Variants in EI24 observed in about 807,000 individuals in gnomAD.
EI24 encodes the protein etoposide-induced protein 2.4 homolog.
EI24 carries 21 observed loss-of-function variants against 48.6 expected under a neutral mutation model. The observed-to-expected ratio is 0.43, with a 90% CI of 0.31 to 0.62. The LOEUF (loss-of-function observed/expected upper bound fraction) is 0.62. EI24 is among the 20% of genes least tolerant of loss of function. EI24 has a pLI of 0.10. For synonymous variants in EI24, 114 were observed against 145.5 expected (o/e 0.78, Z 1.56); for missense variants, 280 against 410.5 (o/e 0.68, Z 2.75).
intron 1 of EI24, among the ~76,000 whole-genome samples, chr11:125,570,933 T>C (rs1268069324): frequency 6.6e-6 from 1 of 152,108 alleles, no homozygotes; most frequent in African/African-American, 2.4e-5. Context: ...ACTGGAACTC[T>C]GAGGTGTTTG....
At chr11:125,575,945 C>A in intron 3 of EI24, 1 of 385,818 alleles carries the variant, frequency 2.6e-6, no homozygotes, top group Non-Finnish European at 5.0e-6. Flanking sequence ...CGCACCACCA[C>A]GCCTGGCTAA....
At chr11:125,581,367 A>C (rs780979144) in intron 9 of EI24, 45 bp downstream of exon 9, 4 of 1,335,492 alleles carry the variant, frequency 3.0e-6, no homozygotes, top group Non-Finnish European at 4.2e-6. Context: ...AAAAATAAAA[A>C]TTCATGAAGT....
At chr11:125,582,469 T>C in intron 10 of EI24, 49 bp downstream of exon 10, 1 of 1,377,804 alleles carries the variant, frequency 7.3e-7, no homozygotes, top group Non-Finnish European at 9.9e-7. Context: ...GGGTTGGGGC[T>C]GTAACACCAG....
Position 125,584,259 on chromosome 11 carries a change from A to AAAAAT in EI24, c.*579_*580insATAAA, listed in dbSNP as rs1555055547. The AAAAAT allele has an allele frequency of 1.6e-4, 22 of 135,696 alleles. No individual in the cohort carries two copies. Among genetic ancestry groups the AAAAAT allele is most frequent in the African/African-American group, 1.9e-4 (7 of 37,114 alleles). The allele number at this position is 135,696 out of a possible 1,614,324, so 8.4% of individuals were successfully genotyped here. A position where few individuals can be genotyped will look rare whatever the true frequency, so the allele number is the denominator to read the frequency against. On this transcript the variant is annotated 3_prime_UTR_variant, in exon 11 of 11. Coordinates refer to ENST00000278903, the MANE Select transcript of EI24 (RefSeq NM_004879.5). ...AAAAAAAAAAAAAAAAAAAAAAAAA[A>AAAAAT]AAAGCCTGAAGAGATGAGATAGGAG...
chr11:125,577,348 T>C (rs1205947386), intron 4 of EI24, among the ~76,000 whole-genome samples, 156 bp from the exon 5 acceptor site: 1 of 152,114 alleles, frequency 6.6e-6, no homozygotes, highest in Non-Finnish European at 1.5e-5. Context: ...TGCCTTGGCC[T>C]CTCAAAGTGA....
chr11:125,583,936 T>C lies in EI24; in HGVS notation c.*253T>C, dbSNP rs965522614. 4.8e-5 allele frequency: 24 copies of C among 503,164 alleles called. No homozygotes were observed. Among genetic ancestry groups the C allele is most frequent in the African/African-American group, 9.7e-5 (5 of 51,460 alleles). The allele number at this position is 503,164 out of a possible 1,614,324, so 31.2% of individuals were successfully genotyped here. On this transcript the variant is annotated 3_prime_UTR_variant, in exon 11 of 11. Coordinates refer to ENST00000278903, the MANE Select transcript of EI24 (RefSeq NM_004879.5). ...CACAGGTTTTTCTGCAGCTATTTTCTAGCATTTGCCAGTCCCTGTGCCTGG... is the reference window on the plus strand; with the variant it reads ...CACAGGTTTTTCTGCAGCTATTTTCCAGCATTTGCCAGTCCCTGTGCCTGG...
chr11:125,581,674 G>A (rs1484028883), intron 9 of EI24, among the ~76,000 whole-genome samples: 4 of 145,866 alleles, frequency 2.7e-5, no homozygotes, highest in African/African-American at 7.6e-5. Context: ...AGCCTCCCAA[G>A]TAGCTGGGAT....
Position 125,583,995 on chromosome 11 carries a change from C to T in EI24, c.*312C>T, listed in dbSNP as rs7094. ...GAACACTTTGTTTTTCTCCCTGTGC[C>T]ATTTACCCTTCCACCTTTCCATCCT... On this transcript the variant is annotated 3_prime_UTR_variant, in exon 11 of 11. Transcript: ENST00000278903. 21,040 of 308,764 alleles carry T rather than the reference C, an allele frequency of 0.068. 896 individuals carry two copies. Among genetic ancestry groups the T allele is most frequent in the Non-Finnish European group, 0.088 (14,337 of 162,478 alleles). The allele number at this position is 308,764 out of a possible 1,614,324, so 19.1% of individuals were successfully genotyped here.
chr11:125,571,326 G>T (rs536263015), intron 1 of EI24, among the ~76,000 whole-genome samples: 1 of 152,302 alleles, frequency 6.6e-6, no homozygotes, highest in East Asian at 1.9e-4. Context: ...ATGCCTGAAA[G>T]TGGGTTTTCT....
intron 2 of EI24, among the ~76,000 whole-genome samples, chr11:125,574,497 G>T (rs1282480100): frequency 2.0e-5 from 3 of 152,228 alleles, no homozygotes; most frequent in Non-Finnish European, 4.4e-5. Flanking sequence ...TTATGTTCCT[G>T]TTAACAGATA....
At chr11:125,570,896 A>G (rs1032315961) in intron 1 of EI24, among the ~76,000 whole-genome samples, 2 of 152,198 alleles carry the variant, frequency 1.3e-5, no homozygotes, top group Non-Finnish European at 2.9e-5. Context: ...AACCCTGAGA[A>G]CATGTCTGTA....
intron 3 of EI24, chr11:125,575,653 T>C (rs1037679841): frequency 2.8e-5 from 8 of 288,628 alleles, no homozygotes; most frequent in Non-Finnish European, 5.4e-5. Flanking sequence ...TAGATACTTC[T>C]AGGGAAGCCT....
chr11:125,575,832 A>G, intron 3 of EI24: 1 of 345,534 alleles, frequency 2.9e-6, no homozygotes, highest in Non-Finnish European at 5.9e-6. Context: ...CCAAGCTGTC[A>G]CCTGAGATTG....
At chr11:125,574,038 A>G (rs1363075860) in intron 2 of EI24, among the ~76,000 whole-genome samples, 2 of 151,848 alleles carry the variant, frequency 1.3e-5, no homozygotes, top group African/African-American at 4.8e-5. Context: ...ATGTGCTGTA[A>G]AATTTCAACC....
At chr11:125,576,368 G>T (rs1938747374) in intron 4 of EI24, 53 bp downstream of exon 4, 1 of 1,525,468 alleles carries the variant, frequency 6.6e-7, no homozygotes, top group East Asian at 2.3e-5. Flanking sequence ...TTGTTGCTGG[G>T]TTGATAGCTA....
chr11:125,579,165 A>G (rs528309726), intron 7 of EI24, 97 bp downstream of exon 7: 1 of 1,205,508 alleles, frequency 8.3e-7, no homozygotes, highest in Admixed American at 2.8e-5. Flanking sequence ...ATATTTATAC[A>G]GAGTATTATA....
chr11:125,575,361 T>C lies in EI24; in HGVS notation c.141T>C (p.Ser47=), dbSNP rs1482806421. 3.1e-6 allele frequency: 5 copies of C among 1,590,964 alleles called. No homozygotes were observed. Among genetic ancestry groups the C allele is most frequent in the African/African-American group, 1.3e-5 (1 of 74,490 alleles). The change falls in exon 3 of 11, where the codon AGT becomes AGC. Residue 47 remains serine, a synonymous_variant. Transcript: ENST00000278903. ...AGCAGCGTCGAAGAAGGGCAAGTAGTGTCTTGGCACAGAGAAGAGCCCAGA... is the reference window on the plus strand; with the variant it reads ...AGCAGCGTCGAAGAAGGGCAAGTAGCGTCTTGGCACAGAGAAGAGCCCAGA... ...REEQRRRRAS[S]VLAQRRAQSI...
intron 1 of EI24, among the ~76,000 whole-genome samples, chr11:125,570,966 G>C (rs1938512982): frequency 6.6e-6 from 1 of 152,194 alleles, no homozygotes. Flanking sequence ...AACAGTGGGA[G>C]TATTAACAGA....
At chr11:125,575,704 C>T in intron 3 of EI24, 1 of 238,214 alleles carries the variant, frequency 4.2e-6, no homozygotes, top group Non-Finnish European at 8.7e-6. Flanking sequence ...TGGCCCCACA[C>T]TTTCTCTTAA....
Sources: allele counts gnomAD v4.1 joint callset (sites outside exome capture counted in the v4.1 genomes callset), GRCh38; gene constraint gnomAD v4.1.1; transcripts MANE v1.5; gene names NCBI Gene and HGNC (gene_info 2026-07-23, HGNC 2026-07-21).